Variants in AQP9 observed in about 807,000 individuals in gnomAD.
AQP9 encodes aquaporin-9.
A neutral mutation model predicts 23.8 loss-of-function variants in AQP9; 19 were observed. The observed-to-expected ratio is 0.80, with a 90% CI of 0.56 to 1.17. AQP9 has a LOEUF of 1.17. AQP9 is among the 50% of genes most tolerant of loss of function. The pLI, the probability that AQP9 is intolerant of heterozygous loss-of-function variation, is 0.00. For missense variants in AQP9, 413 were observed against 362.0 expected (o/e 1.14, Z -1.14); for synonymous variants, 153 against 131.5 (o/e 1.16, Z -1.12).
intron 1 of AQP9, chr15:58,164,036 A>C (rs1359536060): frequency 6.6e-6 from 1 of 152,612 alleles, no homozygotes; most frequent in African/African-American, 2.4e-5. Flanking sequence ...CAATCTTCTG[A>C]GTGGCGATTC....
chr15:58,160,103 A>G (rs8042608), intron 1 of AQP9, among the ~76,000 whole-genome samples: 73,213 of 152,038 alleles, frequency 0.48, 18,611 homozygotes, highest in Admixed American at 0.62. Context: ...CATAGTGGCT[A>G]TATTAGTTTA....
intron 4 of AQP9, among the ~76,000 whole-genome samples, chr15:58,175,805 A>T (rs1395470771): frequency 4.6e-5 from 7 of 152,222 alleles, no homozygotes; most frequent in African/African-American, 1.7e-4. Context: ...GCCCACCTCC[A>T]TTCAATGTAT....
chr15:58,166,622 T>C (rs1898510246), intron 1 of AQP9, 51 bp from the exon 2 acceptor site: 1 of 1,555,720 alleles, frequency 6.4e-7, no homozygotes, highest in Non-Finnish European at 8.7e-7. Flanking sequence ...TTTCCATTAC[T>C]TTTGACAGTA....
chr15:58,142,975 C>G (rs1392749416), intron 1 of AQP9, among the ~76,000 whole-genome samples: 2 of 152,134 alleles, frequency 1.3e-5, no homozygotes, highest in African/African-American at 4.8e-5. Context: ...TCCTCAGGCC[C>G]TCGCTCAGAA....
chr15:58,157,607 T>C (rs553728701), intron 1 of AQP9, among the ~76,000 whole-genome samples: 78 of 152,272 alleles, frequency 5.1e-4, no homozygotes, highest in South Asian at 1.5e-3. Context: ...GTGTTAGGCA[T>C]GTTTAATCAG....
intron 4 of AQP9, among the ~76,000 whole-genome samples, chr15:58,177,085 A>C (rs1353817475): frequency 6.6e-6 from 1 of 152,174 alleles, no homozygotes; most frequent in East Asian, 1.9e-4. Flanking sequence ...GGCTTTGGAG[A>C]GAGTTCCAAA....
At chr15:58,183,484 C>T (rs1369045114) in intron 5 of AQP9, among the ~76,000 whole-genome samples, 2 of 152,164 alleles carry the variant, frequency 1.3e-5, no homozygotes, top group East Asian at 1.9e-4. Flanking sequence ...TTCACACATC[C>T]ACCTTAGATT....
intron 3 of AQP9, among the ~76,000 whole-genome samples, 155 bp from the exon 4 acceptor site, chr15:58,174,763 T>G (rs1898701258): frequency 6.6e-6 from 1 of 152,168 alleles, no homozygotes; most frequent in Admixed American, 6.5e-5. Context: ...CCTGGGCATC[T>G]CTAAAACTAT....
chr15:58,161,294 T>C (rs1194406501), intron 1 of AQP9, among the ~76,000 whole-genome samples: 3 of 152,206 alleles, frequency 2.0e-5, no homozygotes, highest in African/African-American at 7.2e-5. Flanking sequence ...CTGGAGGAGT[T>C]CCCACCAATT....
chr15:58,177,051 C>T (rs1898775244), intron 4 of AQP9, among the ~76,000 whole-genome samples: 1 of 152,130 alleles, frequency 6.6e-6, no homozygotes, highest in Non-Finnish European at 1.5e-5. Flanking sequence ...CGTCAGCAAA[C>T]CCTGAATGCT....
chr15:58,181,895 C>T (rs1243569408), intron 5 of AQP9, among the ~76,000 whole-genome samples: 2 of 152,142 alleles, frequency 1.3e-5, no homozygotes, highest in Non-Finnish European at 2.9e-5. Context: ...GGACAACAGG[C>T]TTCCAAAGTG....
At chr15:58,159,405 T>C (rs1398484412) in intron 1 of AQP9, among the ~76,000 whole-genome samples, 1 of 152,146 alleles carries the variant, frequency 6.6e-6, no homozygotes, top group African/African-American at 2.4e-5. Context: ...GATGTACATA[T>C]TTTGGGGGTA....
chr15:58,173,039 C>A, intron 2 of AQP9, 29 bp from the exon 3 acceptor site: 1 of 1,613,108 alleles, frequency 6.2e-7, no homozygotes, highest in African/African-American at 1.3e-5. Flanking sequence ...CCTAACCTGC[C>A]CTCTCACTTC....
Position 58,172,175 on chromosome 15 carries a change from G to A in AQP9, c.239-893G>A, listed in dbSNP as rs529867887. The stretch of plus-strand genomic sequence containing the variant: ...CTGAATCCTGGTTCTTCCATTTACT[G>A]ACCATGTAGCCTTAAGAAACTTACT... On this transcript the variant is annotated intron_variant, in intron 2 of 5. Coordinates refer to ENST00000219919, the MANE Select transcript of AQP9 (RefSeq NM_020980.5). 5.9e-5 allele frequency among the ~76,000 whole-genome samples: 9 copies of A among 152,274 alleles called. No individual in the cohort carries two copies. In the East Asian group the frequency reaches 1.7e-3, roughly 29 times the overall value.
chr15:58,161,288 A>G (rs1169672409), intron 1 of AQP9, among the ~76,000 whole-genome samples: 1 of 152,206 alleles, frequency 6.6e-6, no homozygotes, highest in African/African-American at 2.4e-5. Context: ...GAATGACTGG[A>G]GGAGTTCCCA....
chr15:58,140,924 C>T (rs1320918244), intron 1 of AQP9, among the ~76,000 whole-genome samples: 2 of 152,066 alleles, frequency 1.3e-5, no homozygotes, highest in African/African-American at 4.8e-5. Context: ...GTCCCTGGTG[C>T]TAAAAGGTTG....
intron 1 of AQP9, chr15:58,150,972 A>G (rs961442582): frequency 2.6e-5 from 4 of 152,214 alleles, no homozygotes; most frequent in Non-Finnish European, 5.9e-5. Context: ...GAATTGGTAG[A>G]TAGTTTAAGT....
chr15:58,170,247 A>C (rs1030122569), intron 2 of AQP9, among the ~76,000 whole-genome samples: 4 of 151,556 alleles, frequency 2.6e-5, no homozygotes, highest in Non-Finnish European at 5.9e-5. Flanking sequence ...CCACTTGTCC[A>C]CCTCTCTTTC....
At chr15:58,162,272 G>A (rs1330204818) in intron 1 of AQP9, among the ~76,000 whole-genome samples, 1 of 152,240 alleles carries the variant, frequency 6.6e-6, no homozygotes, top group Non-Finnish European at 1.5e-5. Flanking sequence ...AAGATGAAGG[G>A]ACAAGTGTCC....
Sources: gnomAD v4.1 joint callset for allele counts (sites outside exome capture counted in the v4.1 genomes callset) on GRCh38, gnomAD v4.1.1 for gene constraint, MANE v1.5 for transcripts, NCBI Gene and HGNC (gene_info 2026-07-23, HGNC 2026-07-21) for gene names.